The following UGGT1 variants were observed in gnomAD, a reference collection of about 807,000 sequenced individuals.
UGGT1 encodes UDP-glucose:glycoprotein glucosyltransferase 1.
UGGT1 carries 107 observed loss-of-function variants against 203.9 expected under a neutral mutation model. That is an observed-to-expected ratio of 0.52 (90% CI 0.45 to 0.62). The LOEUF is 0.62. UGGT1 is among the 20% of genes least tolerant of loss of function. The probability of loss-of-function intolerance (pLI) is 0.00; values close to 1 mark genes in which losing one functional copy is unlikely to be tolerated. For synonymous variants in UGGT1, 628 were observed against 653.5 expected, an observed-to-expected ratio of 0.96 and a Z score of 0.59; for missense variants, 1,673 against 1,867.2, an observed-to-expected ratio of 0.90 and a Z score of 1.92.
At chr2:128,095,383 C>CCCTTCT (rs1232665803) in intron 1 of UGGT1, among the ~76,000 whole-genome samples, 1 of 148,606 alleles carries the variant, frequency 6.7e-6, no homozygotes, top group African/African-American at 2.5e-5. Context: ...CTTCCCCTTC[C>CCCTTCT]CCTTCCCCTT....
In UGGT1 at chr2:128,182,051, G is replaced by A. The variant is rs143430893; in HGVS notation, c.4084-79G>A. ...AGCAGCCTTCCATGCTGCCTTAAGCGAGCCACTCTGTATCTGAAGGAAACC... is the reference window on the plus strand; with the variant it reads ...AGCAGCCTTCCATGCTGCCTTAAGCAAGCCACTCTGTATCTGAAGGAAACC... On this transcript the variant is annotated intron_variant, in intron 36 of 40. Coordinates refer to ENST00000259253, the MANE Select transcript of UGGT1 (RefSeq NM_020120.4). The A allele has an allele frequency of 5.3e-4, 767 of 1,454,160 alleles. 5 individuals are homozygous for A. In the African/African-American group the frequency reaches 9.6e-3, roughly 18 times the overall value. 90.1% of individuals were successfully genotyped at this position (1,454,160 alleles called of 1,614,324 possible). A position where few individuals can be genotyped will look rare whatever the true frequency, so the allele number is the denominator to read the frequency against.
rs187650919 is a variant in UGGT1 at position 128,159,194 on chromosome 2, A to G, written c.2356-320A>G. On this transcript the variant is annotated intron_variant, in intron 22 of 40. Transcript: ENST00000259253. ...GGCTCAGTGCAACCTCCACCTCCCG[A>G]GTTCAAGCGATTCTCCTGCCACAGC... is the stretch of plus-strand genomic sequence containing the variant. Among the ~76,000 whole-genome samples, 758 of 149,208 alleles carry G rather than the reference A, an allele frequency of 5.1e-3. 9 individuals carry two copies. Among genetic ancestry groups the G allele is most frequent in the African/African-American group, 0.017 (667 of 40,376 alleles).
rs1165992010 is a variant in UGGT1, at chr2:128,190,617, T to C, written c.*875T>C. ...ACCTTCTAGAAAAGTCTGCTACCAG[T>C]TTCCTTACTGAATACAGCCATACTC... On this transcript the variant is annotated 3_prime_UTR_variant, in exon 41 of 41. Coordinates refer to ENST00000259253, the MANE Select transcript of UGGT1 (RefSeq NM_020120.4). 6.6e-6 allele frequency: 1 copy of C among 152,204 alleles called. No homozygotes were observed. The highest frequency in any genetic ancestry group is 6.5e-5 in the Admixed American group (1 of 15,272). The allele number at this position is 152,204 out of a possible 1,614,324, so 9.4% of individuals were successfully genotyped here.
In UGGT1 at chr2:128,155,567, T is replaced by G; in HGVS notation, c.2216T>G (p.Met739Arg). The G allele has an allele frequency of 6.2e-7, 1 of 1,612,352 alleles. No individual in the cohort carries two copies. Among genetic ancestry groups the G allele is most frequent in the Non-Finnish European group, 8.5e-7 (1 of 1,179,416 alleles). The change falls in exon 20 of 41, where the codon ATG becomes AGG. Residue 739 changes from methionine (M) to arginine (R), a missense_variant. By Grantham distance (91) the Met-to-Arg change is moderately conservative. Around this residue, in one of 4 missense-constraint regions of UGGT1, gnomAD observed 1,073 missense variants for 1,078.7 expected, o/e 0.99. Transcript: ENST00000259253. The stretch of plus-strand genomic sequence containing the variant: ...AAGACTGCTGCTGTAGCCAATAGTA[T>G]GAACTATCTGACAAAGAAAGGTAAT... ...QGKTAAVANS[M>R]NYLTKKGMSS...
chr2:128,174,891 GA>G, intron 31 of UGGT1, 33 bp downstream of exon 31: 1 of 1,576,922 alleles, frequency 6.3e-7, no homozygotes, highest in Non-Finnish European at 8.7e-7. Context: ...CATTATCCCA[GA>G]ACTTTTAGAA....
At chr2:128,183,372 G>T (rs1038321783) in intron 37 of UGGT1, among the ~76,000 whole-genome samples, 1 of 152,162 alleles carries the variant, frequency 6.6e-6, no homozygotes, top group African/African-American at 2.4e-5. Flanking sequence ...ATTGAATAAT[G>T]GTTGTTTATC....
intron 8 of UGGT1, among the ~76,000 whole-genome samples, chr2:128,117,513 T>C (rs965589288): frequency 3.3e-5 from 5 of 152,048 alleles, no homozygotes. Context: ...CATCATAGTA[T>C]TTTATAGCTG....
At position 128,145,796 on chromosome 2, in the gene UGGT1, G is replaced by A; in HGVS notation, c.1852-7G>A. On this transcript the variant is annotated splice_region_variant and splice_polypyrimidine_tract_variant and intron_variant, in intron 17 of 40. Transcript: ENST00000259253. ...ATATACTGTTTTTGTGGTTACTTGT[G>A]TTTCAGGAAGCAAGAGGCTACTATG... is the stretch of plus-strand genomic sequence containing the variant. 3 of 1,555,862 alleles carry A rather than the reference G, an allele frequency of 1.9e-6. No individual in the cohort carries two copies. Among genetic ancestry groups the A allele is most frequent in the Non-Finnish European group, 2.6e-6 (3 of 1,148,974 alleles).
intron 18 of UGGT1, among the ~76,000 whole-genome samples, chr2:128,146,701 C>A (rs1033046284): frequency 6.6e-6 from 1 of 152,106 alleles, no homozygotes; most frequent in Non-Finnish European, 1.5e-5. Context: ...ATTATCATCA[C>A]CCCCAAAAGA....
At chr2:128,180,239 A>G (rs1691620734) in intron 35 of UGGT1, among the ~76,000 whole-genome samples, 1 of 152,250 alleles carries the variant, frequency 6.6e-6, no homozygotes, top group Admixed American at 6.5e-5. Context: ...TAGATGATGT[A>G]TGGAAGTAGT....
chr2:128,127,530 T>C, intron 12 of UGGT1, 78 bp downstream of exon 12: 1 of 1,110,072 alleles, frequency 9.0e-7, no homozygotes, highest in Non-Finnish European at 1.3e-6. Context: ...TTGCCGTTCC[T>C]TCTTGATATG....
rs748874919 is a variant in UGGT1 at position 128,170,303 on chromosome 2, G to A, written c.2937G>A (p.Arg979=). The part of the protein sequence containing the change: ...FEDRHSAIKL[R]PKEGETYFDV... ...GATCTTTCAGTGCAATCAAACTGAGGCCGAAGGAAGGGGAGACATACTTTG... is the reference window on the plus strand; with the variant it reads ...GATCTTTCAGTGCAATCAAACTGAGACCGAAGGAAGGGGAGACATACTTTG... The change falls in exon 27 of 41, where the codon AGG becomes AGA. Residue 979 remains arginine (R), a synonymous_variant. Coordinates refer to ENST00000259253, the MANE Select transcript of UGGT1 (RefSeq NM_020120.4). The A allele has an allele frequency of 1.9e-6, 3 of 1,614,066 alleles. No individual in the cohort carries two copies. The highest frequency in any genetic ancestry group is 2.2e-5 in the South Asian group (2 of 91,080).
At chr2:128,164,890 C>A in intron 26 of UGGT1, 65 bp downstream of exon 26, 1 of 1,204,336 alleles carries the variant, frequency 8.3e-7, no homozygotes, top group Non-Finnish European at 1.1e-6. Flanking sequence ...TGCTTTACCT[C>A]AGCTCCTTCA....
At chr2:128,091,936 C>T (rs949784076) in intron 1 of UGGT1, among the ~76,000 whole-genome samples, 2 of 152,180 alleles carry the variant, frequency 1.3e-5, no homozygotes, top group African/African-American at 4.8e-5. Flanking sequence ...GATCTGCGTC[C>T]GTCGCCAATA....
intron 8 of UGGT1, among the ~76,000 whole-genome samples, chr2:128,117,095 A>G (rs976426610): frequency 3.9e-5 from 6 of 151,986 alleles, no homozygotes; most frequent in South Asian, 4.2e-4. Context: ...TTATTTATTT[A>G]TTTATTTTTT....
intron 8 of UGGT1, among the ~76,000 whole-genome samples, chr2:128,117,977 TCTGTGTGTGTGTGTGTGAGAGA>T (rs1417388803): frequency 4.2e-5 from 4 of 96,052 alleles, no homozygotes; most frequent in African/African-American, 1.8e-4. Context: ...TGTGTGTGTG[TCTGTGTGTGTGTGTGTGAGAGA>T]GAGAGAGAGA....
rs769940865 is a variant in UGGT1 at position 128,187,359 on chromosome 2, C to T, written c.4477-90C>T. The T allele has an allele frequency of 1.4e-4, 195 of 1,400,640 alleles. 1 individual carries two copies. Among genetic ancestry groups the T allele is most frequent in the Non-Finnish European group, 1.8e-4 (184 of 1,039,694 alleles). The allele number at this position is 1,400,640 out of a possible 1,614,324, so 86.8% of individuals were successfully genotyped here. A position where few individuals can be genotyped will look rare whatever the true frequency, so the allele number is the denominator to read the frequency against. On this transcript the variant is annotated intron_variant, in intron 39 of 40. Transcript: ENST00000259253. ...GGTTCCTTACTATTGTTTTCTTGTC[C>T]AGTTAGGACTTGTAACCCAAGAACC...
chr2:128,106,627 C>T (rs1188986175), intron 3 of UGGT1, among the ~76,000 whole-genome samples: 1 of 152,112 alleles, frequency 6.6e-6, no homozygotes, highest in Non-Finnish European at 1.5e-5. Context: ...AGTGCAGTGG[C>T]GTAATCTCGC....
chr2:128,093,676 C>T (rs1650119778), intron 1 of UGGT1, among the ~76,000 whole-genome samples: 2 of 152,156 alleles, frequency 1.3e-5, no homozygotes, highest in Non-Finnish European at 2.9e-5. Flanking sequence ...TGGCTTTTTA[C>T]CCTTTTGTAA....
Sources: gnomAD v4.1 joint callset for allele counts (sites outside exome capture counted in the v4.1 genomes callset) on GRCh38, gnomAD v4.1.1 for gene constraint, gnomAD v4.1.1 regional missense constraint, MANE v1.5 for transcripts, NCBI Gene and HGNC (gene_info 2026-07-23, HGNC 2026-07-21) for gene names.